LMF1: variants seen among roughly 807,000 people sequenced by gnomAD.
LMF1 encodes transmembrane protein 112.
LMF1 carries 68 observed loss-of-function variants against 60.6 expected under a neutral mutation model. The ratio of observed to expected loss-of-function variants is 1.12; its 90% CI spans 0.92 to 1.37. The LOEUF (loss-of-function observed/expected upper bound fraction) is 1.37, where lower values mean the gene tolerates loss of function less well. Ranked by LOEUF, LMF1 falls within the 40% of genes most tolerant of loss-of-function variation. LMF1 has a pLI of 0.00. For synonymous variants in LMF1, 418 were observed against 324.7 expected, an observed-to-expected ratio of 1.29 and a Z score of -3.09; for missense variants, 948 against 767.2, an observed-to-expected ratio of 1.24 and a Z score of -2.78.
intron 2 of LMF1, among the ~76,000 whole-genome samples, chr16:941,639 G>A (rs1456866884): frequency 2.0e-5 from 3 of 152,138 alleles, no homozygotes; most frequent in Non-Finnish European, 4.4e-5. Context: ...TTTTCGTCCT[G>A]TTCCTCTGTT....
intron 1 of LMF1, among the ~76,000 whole-genome samples, chr16:954,980 G>C (rs111312937): frequency 1.3e-5 from 1 of 77,070 alleles, no homozygotes; most frequent in Non-Finnish European, 2.4e-5. Context: ...ATATCTAAGT[G>C]AACCAGACAC....
At chr16:873,245 T>TAGCATCACTGAGCC (rs2069855685) in intron 6 of LMF1, 1 of 152,390 alleles carries the variant, frequency 6.6e-6, no homozygotes, top group Non-Finnish European at 1.5e-5. Flanking sequence ...GTTTTTCTTC[T>TAGCATCACTGAGCC]AGCATCACTG....
At chr16:879,069 C>T (rs925482535) in intron 6 of LMF1, among the ~76,000 whole-genome samples, 2 of 152,014 alleles carry the variant, frequency 1.3e-5, no homozygotes, top group Admixed American at 1.3e-4. Flanking sequence ...TGACTGTGGG[C>T]AGGACGGGGC....
intron 7 of LMF1, 88 bp from the exon 8 acceptor site, chr16:870,970 GT>G: frequency 6.7e-7 from 1 of 1,482,688 alleles, no homozygotes; most frequent in Non-Finnish European, 9.0e-7. Context: ...CTCCCTAAGG[GT>G]CAGCTGTCCT....
chr16:907,004 G>C (rs1045346447), intron 4 of LMF1, among the ~76,000 whole-genome samples: 3 of 152,192 alleles, frequency 2.0e-5, no homozygotes, highest in Non-Finnish European at 4.4e-5. Flanking sequence ...GAGGCATACA[G>C]GCTGCATTTC....
intron 2 of LMF1, among the ~76,000 whole-genome samples, chr16:952,257 A>T (rs1184508727): frequency 6.6e-6 from 1 of 152,006 alleles, no homozygotes; most frequent in Non-Finnish European, 1.5e-5. Flanking sequence ...ACAGCCACAC[A>T]GTGGGGACCC....
chr16:918,362 G>T (rs2071336947), intron 3 of LMF1, among the ~76,000 whole-genome samples: 1 of 152,198 alleles, frequency 6.6e-6, no homozygotes, highest in South Asian at 2.1e-4. Context: ...CAGCTCTTGG[G>T]AAACAAATCC....
At chr16:974,869 C>T (rs955935679), upstream of LMF1, among the ~76,000 whole-genome samples, 2 of 152,358 alleles carry the variant, frequency 1.3e-5, no homozygotes, top group East Asian at 1.9e-4. Flanking sequence ...CGAAGATAAT[C>T]GTGCACCCTT....
At chr16:948,025 GAGACAACGACAGAGTC>G (rs2072290137) in intron 2 of LMF1, among the ~76,000 whole-genome samples, 2 of 151,254 alleles carry the variant, frequency 1.3e-5, no homozygotes, top group Non-Finnish European at 2.9e-5. Context: ...GACAGAGTCA[GAGACAACGACAGAGTC>G]AGCCAATGAC....
chr16:970,698 G>A, intron 1 of LMF1, 90 bp downstream of exon 1: 3 of 1,248,966 alleles, frequency 2.4e-6, no homozygotes, highest in Non-Finnish European at 3.3e-6. Context: ...CCGCGGCCGC[G>A]AGACCGCGCG....
At chr16:891,414 G>C (rs898261837) in intron 5 of LMF1, among the ~76,000 whole-genome samples, 1 of 152,202 alleles carries the variant, frequency 6.6e-6, no homozygotes, top group Non-Finnish European at 1.5e-5. Flanking sequence ...GTGGGGACAT[G>C]GTGGGCGCCT....
chr16:975,602 C>T (rs746960604), upstream of LMF1, among the ~76,000 whole-genome samples: 3 of 152,228 alleles, frequency 2.0e-5, no homozygotes, highest in African/African-American at 4.8e-5. Context: ...TTCCTATGAG[C>T]CTCTAGAGCA....
chr16:928,396 C>A (rs1237804369), intron 3 of LMF1, among the ~76,000 whole-genome samples: 1 of 152,180 alleles, frequency 6.6e-6, no homozygotes, highest in Non-Finnish European at 1.5e-5. Flanking sequence ...ATTCATCAAC[C>A]AAGTTTCTTA....
intron 10 of LMF1, among the ~76,000 whole-genome samples, chr16:859,045 A>T (rs1364768858): frequency 1.2e-3 from 67 of 54,034 alleles, no homozygotes; most frequent in African/African-American, 2.4e-3. Flanking sequence ...GAGTGATGTC[A>T]CGGGACGGGT....
In LMF1 at chr16:954,342, A is replaced by T. The variant is rs1365697846; in HGVS notation, c.503+15T>A. 10 of 1,609,218 alleles carry T rather than the reference A, an allele frequency of 6.2e-6. No homozygotes were observed. The highest frequency in any genetic ancestry group is 8.5e-6 in the Non-Finnish European group (10 of 1,178,482). ...GCAAGCCCTAAGCTCCGACCGCCCC[A>T]TTCCTGCTACTCACCAGACATGGCC... On this transcript the variant is annotated intron_variant, in intron 2 of 10. Transcript: ENST00000262301.
At chr16:970,006 C>T (rs2073007581) in intron 1 of LMF1, among the ~76,000 whole-genome samples, 1 of 152,130 alleles carries the variant, frequency 6.6e-6, no homozygotes, top group African/African-American at 2.4e-5. Flanking sequence ...GCACGCGGGC[C>T]CCGCACAGCT....
Position 874,208 on chromosome 16 carries a change from C to T in LMF1, c.898-2867G>A, listed in dbSNP as rs760843961. Among the ~76,000 whole-genome samples, 26 of 152,250 alleles carry T rather than the reference C, an allele frequency of 1.7e-4. No homozygotes were observed. The highest frequency in any genetic ancestry group is 3.4e-4 in the Non-Finnish European group (23 of 68,030). On this transcript the variant is annotated intron_variant, in intron 6 of 10. Coordinates refer to ENST00000262301, the MANE Select transcript of LMF1 (RefSeq NM_022773.4). The surrounding 1 kb of genome is among the most constrained non-coding windows in gnomAD (Gnocchi z 4.1). ...CTGTGTTGTTTCATCACAACCGAAA[C>T]ACAGCTAAGGGCCGGTGAGCCCAGC... is the stretch of plus-strand genomic sequence containing the variant.
intron 3 of LMF1, among the ~76,000 whole-genome samples, chr16:916,193 G>C (rs2071275112): frequency 1.3e-5 from 2 of 152,206 alleles, no homozygotes; most frequent in African/African-American, 2.4e-5. Context: ...TAACTCTGTG[G>C]AAACTATTTT....
At chr16:894,255 C>T (rs56241487) in intron 4 of LMF1, among the ~76,000 whole-genome samples, 1 of 126,890 alleles carries the variant, frequency 7.9e-6, no homozygotes, top group Non-Finnish European at 1.6e-5. Context: ...ACTGGACCGT[C>T]CGCCCACCTG....
Sources: gnomAD v4.1 joint callset for allele counts (sites outside exome capture counted in the v4.1 genomes callset) on GRCh38, gnomAD v4.1.1 for gene constraint, Gnocchi (gnomAD v3.1) non-coding constraint, MANE v1.5 for transcripts, NCBI Gene and HGNC (gene_info 2026-07-23, HGNC 2026-07-21) for gene names.